The following SCHIP1 variants were observed in gnomAD, a reference collection of about 807,000 sequenced individuals.
SCHIP1 encodes the protein schwannomin interacting protein 1.
Under a neutral mutation model 29.7 loss-of-function variants are expected in SCHIP1, and 8 were observed. The observed-to-expected ratio is 0.27, with a 90% CI of 0.16 to 0.49. The LOEUF (loss-of-function observed/expected upper bound fraction) is 0.49. Among genes scored for constraint, SCHIP1 ranks in the 20% least tolerant of loss-of-function variants. The pLI, the probability that SCHIP1 is intolerant of heterozygous loss-of-function variation, is 0.99. For missense variants in SCHIP1, 193 were observed against 294.6 expected, an observed-to-expected ratio of 0.66 and a Z score of 2.52; for synonymous variants, 76 against 94.9, an observed-to-expected ratio of 0.80 and a Z score of 1.16.
the SCHIP1 span, among the ~76,000 whole-genome samples, chr3:159,397,669 T>G: frequency 2.6e-5 from 4 of 152,198 alleles, no homozygotes; most frequent in Non-Finnish European, 5.9e-5. Context: ...GAGGAGGCAG[T>G]CTGCCCGTTC....
the SCHIP1 span, among the ~76,000 whole-genome samples, chr3:159,717,540 A>C: frequency 1.3e-5 from 2 of 152,232 alleles, no homozygotes; most frequent in Non-Finnish European, 1.5e-5. Context: ...AAAAATGATA[A>C]AGGGGATATC....
the SCHIP1 span, among the ~76,000 whole-genome samples, chr3:159,739,561 A>C: frequency 6.6e-6 from 1 of 152,182 alleles, no homozygotes; most frequent in African/African-American, 2.4e-5. Context: ...GATTTTTTTC[A>C]GTTTCAGAAT....
the SCHIP1 span, among the ~76,000 whole-genome samples, chr3:159,443,522 T>TG: frequency 6.6e-6 from 1 of 152,142 alleles, no homozygotes; most frequent in Non-Finnish European, 1.5e-5. Flanking sequence ...TATTCCCTTT[T>TG]TTTTTGAGAC....
the SCHIP1 span, among the ~76,000 whole-genome samples, chr3:159,803,053 C>T: frequency 6.6e-6 from 1 of 152,174 alleles, no homozygotes; most frequent in South Asian, 2.1e-4. Flanking sequence ...ACACGTGACA[C>T]CTCTGCTTAA....
chr3:159,459,995 T>C, the SCHIP1 span, among the ~76,000 whole-genome samples: 2 of 152,186 alleles, frequency 1.3e-5, no homozygotes, highest in South Asian at 2.1e-4. Flanking sequence ...CTTGTTTAAC[T>C]CAGTCTGTAG....
At chr3:159,549,241 C>T in the SCHIP1 span, among the ~76,000 whole-genome samples, 1 of 152,098 alleles carries the variant, frequency 6.6e-6, no homozygotes, top group Non-Finnish European at 1.5e-5. Flanking sequence ...TGGGATTTCC[C>T]ATTTAATTTC....
At chr3:159,802,717 A>T in the SCHIP1 span, among the ~76,000 whole-genome samples, 1 of 152,324 alleles carries the variant, frequency 6.6e-6, no homozygotes, top group Middle Eastern at 3.4e-3. Flanking sequence ...GAGAAAACAT[A>T]AACAGTGGAT....
At chr3:159,337,774 T>C in the SCHIP1 span, among the ~76,000 whole-genome samples, 3 of 152,160 alleles carry the variant, frequency 2.0e-5, no homozygotes, top group Non-Finnish European at 4.4e-5. Flanking sequence ...TTAGCCCTGT[T>C]TCAATCCAAA....
the SCHIP1 span, among the ~76,000 whole-genome samples, chr3:159,449,608 C>A: frequency 5.3e-5 from 8 of 151,992 alleles, no homozygotes; most frequent in African/African-American, 1.9e-4. Flanking sequence ...TTTTTCATAT[C>A]ATAAAATAAT....
the SCHIP1 span, among the ~76,000 whole-genome samples, chr3:159,777,652 T>G: frequency 6.6e-6 from 1 of 152,178 alleles, no homozygotes. Flanking sequence ...GAACAGAGTA[T>G]CTGAAATATA....
the SCHIP1 span, among the ~76,000 whole-genome samples, chr3:159,316,366 G>C: frequency 3.5e-4 from 54 of 152,156 alleles, 1 homozygote; most frequent in Non-Finnish European, 6.0e-4. Flanking sequence ...AAGATGTAGG[G>C]TGGGAGGCTA....
chr3:159,421,219 A>G, the SCHIP1 span, among the ~76,000 whole-genome samples: 395 of 152,272 alleles, frequency 2.6e-3, 3 homozygotes, highest in African/African-American at 9.0e-3. Context: ...TATTTACTAA[A>G]TTTATTGTTC....
chr3:159,800,890 T>C, the SCHIP1 span, among the ~76,000 whole-genome samples: 1 of 149,708 alleles, frequency 6.7e-6, no homozygotes, highest in Non-Finnish European at 1.5e-5. Context: ...GCCAGCTGTT[T>C]GTGGCTGTAC....
the SCHIP1 span, among the ~76,000 whole-genome samples, chr3:159,694,764 A>T: frequency 6.6e-6 from 1 of 152,220 alleles, no homozygotes; most frequent in African/African-American, 2.4e-5. Context: ...TAATAGAATA[A>T]GGAAATATTT....
the SCHIP1 span, among the ~76,000 whole-genome samples, chr3:159,621,854 C>T: frequency 5.3e-5 from 8 of 152,128 alleles, no homozygotes; most frequent in African/African-American, 1.9e-4. Flanking sequence ...TTAGTAGAGA[C>T]GGGGTTTCAC....
At chr3:159,778,383 G>A in the SCHIP1 span, among the ~76,000 whole-genome samples, 1 of 152,068 alleles carries the variant, frequency 6.6e-6, no homozygotes, top group East Asian at 1.9e-4. Flanking sequence ...AGTACACAGA[G>A]TTCTCAAATA....
chr3:159,757,972 T>A, the SCHIP1 span, among the ~76,000 whole-genome samples: 1 of 152,246 alleles, frequency 6.6e-6, no homozygotes, highest in East Asian at 1.9e-4. Flanking sequence ...GCATGCGGTT[T>A]TGGAGACATT....
the SCHIP1 span, chr3:159,764,493 C>T: frequency 3.8e-6 from 6 of 1,587,954 alleles, no homozygotes; most frequent in East Asian, 1.4e-4. This position sits in a 1 kb window ranked among gnomAD's most constrained non-coding sequence, Gnocchi z 6.1. Context: ...GCAGCAGCAG[C>T]AGCAGCAGCC....
the SCHIP1 span, among the ~76,000 whole-genome samples, chr3:159,787,941 G>C: frequency 3.9e-5 from 6 of 152,044 alleles, no homozygotes; most frequent in African/African-American, 1.4e-4. Context: ...ATGTGATTGA[G>C]GTTTATGTAG....
Sources: gnomAD v4.1 joint callset for allele counts (sites outside exome capture counted in the v4.1 genomes callset) on GRCh38, gnomAD v4.1.1 for gene constraint, Gnocchi (gnomAD v3.1) non-coding constraint, MANE v1.5 for transcripts, NCBI Gene and HGNC (gene_info 2026-07-23, HGNC 2026-07-21) for gene names.